CCDC192: variants seen among roughly 807,000 people sequenced by gnomAD.
CCDC192 encodes coiled-coil domain containing 192.
chr5:127,882,687 C>G (rs1178598491), intron 6 of CCDC192, among the ~76,000 whole-genome samples: 3 of 152,162 alleles, frequency 2.0e-5, no homozygotes, highest in Non-Finnish European at 1.5e-5. Flanking sequence ...ACAACCCTGT[C>G]AAGTGTAAGT....
chr5:127,827,532 C>T (rs1224764280), intron 5 of CCDC192, among the ~76,000 whole-genome samples: 1 of 152,184 alleles, frequency 6.6e-6, no homozygotes, highest in Non-Finnish European at 1.5e-5. Context: ...GTAATTTATA[C>T]TGGCATGGTT....
chr5:127,914,420 A>G (rs969702465), intron 6 of CCDC192, among the ~76,000 whole-genome samples: 6 of 152,230 alleles, frequency 3.9e-5, no homozygotes, highest in African/African-American at 1.4e-4. Flanking sequence ...AATAATATTT[A>G]CACCAATGTA....
At chr5:127,939,329 C>T (rs1281344745) in intron 6 of CCDC192, among the ~76,000 whole-genome samples, 1 of 151,906 alleles carries the variant, frequency 6.6e-6, no homozygotes, top group East Asian at 1.9e-4. Context: ...TTTGGCCAGG[C>T]TGGTCTTAAA....
At chr5:127,912,506 AG>A (rs747646099) in intron 6 of CCDC192, among the ~76,000 whole-genome samples, 7 of 151,502 alleles carry the variant, frequency 4.6e-5, no homozygotes, top group Non-Finnish European at 1.0e-4. Flanking sequence ...AGATGTTTAG[AG>A]CTTACTCTGG....
chr5:127,875,937 G>C (rs1161725659), intron 6 of CCDC192, among the ~76,000 whole-genome samples: 2 of 151,994 alleles, frequency 1.3e-5, no homozygotes, highest in African/African-American at 4.8e-5. Flanking sequence ...GCACAAGCTG[G>C]GTGGTAGCAG....
At chr5:127,808,825 G>A (rs2126995182) in intron 5 of CCDC192, among the ~76,000 whole-genome samples, 1 of 152,188 alleles carries the variant, frequency 6.6e-6, no homozygotes, top group Middle Eastern at 3.4e-3. Flanking sequence ...TTCATATACA[G>A]TTCTTGACAC....
At chr5:127,839,177 C>G (rs1750164884) in intron 5 of CCDC192, among the ~76,000 whole-genome samples, 1 of 152,098 alleles carries the variant, frequency 6.6e-6, no homozygotes, top group Non-Finnish European at 1.5e-5. Context: ...ATAAGGCTAC[C>G]TATTACAAGT....
At position 127,708,096 on chromosome 5, in the gene CCDC192, C is replaced by G. The variant is rs1172633387; in HGVS notation, c.114+336C>G. ...CCCTGGGCTATTTTTGAAGTGTCAG[C>G]TTGTGTATGAGGAAATCCTGGAATT... On this transcript the variant is annotated intron_variant, in intron 2 of 6. Transcript: ENST00000514853. 2.0e-5 allele frequency among the ~76,000 whole-genome samples: 3 copies of G among 152,084 alleles called. No individual in the cohort carries two copies. The East Asian group carries it at 5.8e-4, about 29-fold the overall frequency.
chr5:127,768,693 A>G (rs1417827281), intron 3 of CCDC192, among the ~76,000 whole-genome samples: 1 of 152,238 alleles, frequency 6.6e-6, no homozygotes, highest in African/African-American at 2.4e-5. Flanking sequence ...AAATGACTAC[A>G]AAAGCTATTA....
intron 5 of CCDC192, among the ~76,000 whole-genome samples, chr5:127,851,725 G>A (rs2127085400): frequency 6.6e-6 from 1 of 152,246 alleles, no homozygotes; most frequent in Admixed American, 6.5e-5. Flanking sequence ...CAAAGTGCTG[G>A]GATTACAGGC....
At chr5:127,850,143 C>T (rs915699645) in intron 5 of CCDC192, among the ~76,000 whole-genome samples, 4 of 152,162 alleles carry the variant, frequency 2.6e-5, no homozygotes, top group African/African-American at 9.7e-5. Context: ...CATGTGGTTT[C>T]ATGATCACAC....
intron 2 of CCDC192, among the ~76,000 whole-genome samples, chr5:127,743,621 G>T (rs1426627752): frequency 6.6e-6 from 1 of 152,006 alleles, no homozygotes; most frequent in Non-Finnish European, 1.5e-5. Flanking sequence ...CCATATAGAT[G>T]GGCATTTCAA....
intron 5 of CCDC192, among the ~76,000 whole-genome samples, chr5:127,814,073 G>A (rs1045095045): frequency 5.3e-5 from 8 of 152,168 alleles, no homozygotes; most frequent in Non-Finnish European, 1.2e-4. Flanking sequence ...TGTCCTCACA[G>A]AAGAACTGGT....
chr5:127,887,773 G>A lies in CCDC192; in HGVS notation c.535+12112G>A, dbSNP rs111798577. On this transcript the variant is annotated intron_variant, in intron 6 of 6. Transcript: ENST00000514853. ...GGCTGGAGTGCAGTGGCACGATCTC[G>A]GCTCACTGCAAGCTCCACCTCCTGG... Among the ~76,000 whole-genome samples the A allele has an allele frequency of 3.9e-3, 584 of 149,020 alleles. 3 individuals are homozygous for A. The highest frequency in any genetic ancestry group is 0.014 in the African/African-American group (549 of 40,428).
At chr5:127,802,229 G>GT (rs1168216643) in intron 5 of CCDC192, among the ~76,000 whole-genome samples, 6 of 152,184 alleles carry the variant, frequency 3.9e-5, no homozygotes, top group Non-Finnish European at 7.3e-5. Context: ...ACTACACCCA[G>GT]TACAGGGCTG....
intron 2 of CCDC192, among the ~76,000 whole-genome samples, chr5:127,729,328 A>G (rs1317913236): frequency 6.6e-6 from 1 of 152,224 alleles, no homozygotes; most frequent in Admixed American, 6.5e-5. Flanking sequence ...CTAAATATAT[A>G]TGCACCCAAT....
intron 6 of CCDC192, among the ~76,000 whole-genome samples, chr5:127,936,941 G>T (rs1031674957): frequency 2.0e-5 from 3 of 152,226 alleles, no homozygotes; most frequent in African/African-American, 7.2e-5. Flanking sequence ...GACTAGATGG[G>T]GGGAGAGGAG....
chr5:127,749,648 C>T (rs1374233528), intron 2 of CCDC192, among the ~76,000 whole-genome samples: 3 of 151,872 alleles, frequency 2.0e-5, no homozygotes, highest in Non-Finnish European at 2.9e-5. Context: ...AGGGAGGATT[C>T]CCTCTTTTTC....
At chr5:127,907,377 T>C (rs1364111567) in intron 6 of CCDC192, among the ~76,000 whole-genome samples, 1 of 152,218 alleles carries the variant, frequency 6.6e-6, no homozygotes, top group Non-Finnish European at 1.5e-5. Context: ...GTTATAAAGT[T>C]ATCTCAAGTA....
Sources: allele counts gnomAD v4.1 joint callset (sites outside exome capture counted in the v4.1 genomes callset), GRCh38; gene constraint gnomAD v4.1.1; transcripts MANE v1.5; gene names NCBI Gene and HGNC (gene_info 2026-07-23, HGNC 2026-07-21).